ATG9B: variants seen among roughly 807,000 people sequenced by gnomAD.
The protein encoded by ATG9B is autophagy related 9B.
ATG9B carries 92 observed loss-of-function variants against 92.9 expected under a neutral mutation model. The observed-to-expected ratio is 0.99, with a 90% CI of 0.84 to 1.18. ATG9B has a LOEUF of 1.18. Among genes scored for constraint, ATG9B ranks in the 50% most tolerant of loss-of-function variants. The pLI is 0.00. For synonymous variants in ATG9B, 599 were observed against 551.4 expected, an observed-to-expected ratio of 1.09 and a Z score of -1.21; for missense variants, 1,344 against 1,235.0, an observed-to-expected ratio of 1.09 and a Z score of -1.32.
chr7:151,024,132 G>A lies in ATG9B; in HGVS notation c.292C>T (p.Pro98Ser), dbSNP rs755526299. 3 of 1,592,244 alleles carry A rather than the reference G, an allele frequency of 1.9e-6. No homozygotes were observed. Among genetic ancestry groups the A allele is most frequent in the East Asian group, 4.5e-5 (2 of 44,700 alleles). Residue 98 changes from proline to serine, a missense_variant, in exon 1 of 14, where the codon CCA becomes TCA. By Grantham distance (74) the Pro-to-Ser change is moderately conservative. Transcript: ENST00000639579. ...GTCATTGCAGGTTGAGCCTGTGTTG[G>A]GGGGGTGGCTGGGATAGGGAGAGCA... ...HSALPIPATP[P>S]TQAQPAMTPA...
chr7:151,014,471 C>CT (rs1795398856), downstream of ATG9B: 1 of 417,422 alleles, frequency 2.4e-6, no homozygotes, highest in Non-Finnish European at 4.3e-6. Context: ...TCTTGCCTCT[C>CT]TCAGGAGTAT....
At chr7:151,021,657 T>A (rs1472125386) in intron 4 of ATG9B, among the ~76,000 whole-genome samples, 1 of 151,692 alleles carries the variant, frequency 6.6e-6, no homozygotes, top group Non-Finnish European at 1.5e-5. Flanking sequence ...ACACTCTTTT[T>A]TTTTTTTTTT....
Position 151,016,449 on chromosome 7 carries a change from A to G in ATG9B, c.2502T>C (p.His834=). 1 of 1,551,452 alleles carries G rather than the reference A, an allele frequency of 6.4e-7. No individual in the cohort carries two copies. The highest frequency in any genetic ancestry group is 8.7e-7 in the Non-Finnish European group (1 of 1,146,928). ...PELASAEMSL[H]VIYLHQLHQQ... ...TACTCACCTGGTGCAGGTAGATGAC[A>G]TGGAGACTCATCTCGGCAGAAGCAA... Residue 834 remains histidine, a synonymous_variant, in exon 11 of 14, where the codon CAT becomes CAC. Coordinates refer to ENST00000639579, the MANE Select transcript of ATG9B (RefSeq NM_001317056.2).
chr7:151,014,600 G>GT (rs1265349762), downstream of ATG9B: 4,388 of 145,246 alleles, frequency 0.03, 150 homozygotes, highest in African/African-American at 0.083. Context: ...GTGGATTACA[G>GT]TTTTTTTTTT....
In ATG9B at chr7:151,019,049, G is replaced by T. The variant is rs1343403809; in HGVS notation, c.1289C>A (p.Ala430Asp). 2 of 1,538,550 alleles carry T rather than the reference G, an allele frequency of 1.3e-6. No homozygotes were observed. Among genetic ancestry groups the T allele is most frequent in the East Asian group, 4.9e-5 (2 of 41,124 alleles). The change falls in exon 6 of 14, where the codon GCC (alanine) becomes GAC (aspartate). Residue 430 changes from alanine to aspartate, a missense_variant. Physicochemically the swap from Ala to Asp is moderately radical, Grantham distance 126. Coordinates refer to ENST00000639579, the MANE Select transcript of ATG9B (RefSeq NM_001317056.2). ...TGTGCGCCCCCAGCGCGCTGCTAGG[G>T]CGCCCCGCTGGTCGCTGCGCTTGTA... ...HAYKRSDQRG[A>D]LAARWGRTVL...
Position 151,018,677 on chromosome 7 carries a change from G to A in ATG9B, c.1661C>T (p.Ala554Val), listed in dbSNP as rs370556855. 7.9e-5 allele frequency: 127 copies of A among 1,606,024 alleles called. No individual in the cohort carries two copies. The highest frequency in any genetic ancestry group is 3.5e-4 in the Admixed American group (21 of 59,532). Residue 554 changes from alanine (A) to valine (V), a missense_variant, in exon 6 of 14, where the codon GCC becomes GTC. Physicochemically the swap from Ala to Val is moderately conservative, Grantham distance 64. Coordinates refer to ENST00000639579, the MANE Select transcript of ATG9B (RefSeq NM_001317056.2). This position sits in a 1 kb window ranked among gnomAD's most constrained non-coding sequence, Gnocchi z 4.7. ...VLTVYDEDVL[A>V]VEHVLTAMTA... ...CATGGCGGTGAGCACGTGCTCCACG[G>A]CTAGCACGTCCTCGTCGTAGACGGT...
downstream of ATG9B, chr7:151,013,934 C>T (rs761102418): frequency 1.9e-6 from 3 of 1,597,996 alleles, no homozygotes. Context: ...GAGGGGCGGG[C>T]CGGGCCTGAG....
intron 4 of ATG9B, among the ~76,000 whole-genome samples, chr7:151,022,836 T>TAA (rs5888425): frequency 6.7e-6 from 1 of 148,352 alleles, no homozygotes; most frequent in African/African-American, 2.5e-5. Context: ...AACTCTGTCT[T>TAA]AAAAAAAAAA....
downstream of ATG9B, chr7:151,013,245 C>T: frequency 6.2e-7 from 1 of 1,613,548 alleles, no homozygotes; most frequent in Non-Finnish European, 8.5e-7. Flanking sequence ...GCAGCCCACT[C>T]CCATGACTTT....
rs1795509468 is a variant in ATG9B, at chr7:151,016,799, A to G, written c.2312T>C (p.Leu771Pro). 8 of 1,610,376 alleles carry G rather than the reference A, an allele frequency of 5.0e-6. No homozygotes were observed. Among genetic ancestry groups the G allele is most frequent in the Non-Finnish European group, 6.8e-6 (8 of 1,178,576 alleles). The change falls in exon 10 of 14, where the codon CTC becomes CCC. Residue 771 changes from leucine (L) to proline (P), a missense_variant. Coordinates refer to ENST00000639579, the MANE Select transcript of ATG9B (RefSeq NM_001317056.2). ...SPLPEAFLAN[L>P]FVHPLLPPRD... ...CGGAGGCAGGAGAGGGTGCACGAAG[A>G]GGTTGGCCAGGAAGGCCTCAGGCTG...
chr7:151,018,913 C>G lies in ATG9B; in HGVS notation c.1425G>C (p.Ala475=). The G allele has an allele frequency of 6.7e-7, 1 of 1,494,916 alleles. No individual in the cohort carries two copies. 92.6% of individuals were successfully genotyped at this position (1,494,916 alleles called of 1,614,324 possible). The part of the protein sequence containing the change: ...HVELLRREPG[A]LGARGWSRLA... ...GGCGGGACCAGCCGCGCGCCCCCAGCGCGCCAGGCTCGCGCCGCAGCAGCT... is the reference window on the plus strand; with the variant it reads ...GGCGGGACCAGCCGCGCGCCCCCAGGGCGCCAGGCTCGCGCCGCAGCAGCT... The change falls in exon 6 of 14, where the codon GCG becomes GCC. Residue 475 remains alanine (A), a synonymous_variant. Transcript: ENST00000639579. The surrounding 1 kb of genome is among the most constrained non-coding windows in gnomAD (Gnocchi z 4.7).
At chr7:151,014,731 C>A (rs1333553466), downstream of ATG9B, 1 of 151,962 alleles carries the variant, frequency 6.6e-6, no homozygotes. Flanking sequence ...GCCTCAGCCT[C>A]CCAAGTAGTT....
chr7:151,013,700 CG>C, downstream of ATG9B: 1 of 1,554,372 alleles, frequency 6.4e-7, no homozygotes, highest in Non-Finnish European at 8.7e-7. Flanking sequence ...CACCAGGGCC[CG>C]CCCTAACCCC....
At chr7:151,013,005 A>G, downstream of ATG9B, 4 of 555,210 alleles carry the variant, frequency 7.2e-6, no homozygotes, top group South Asian at 7.3e-5. Context: ...GCGCAGCTCC[A>G]CCAGGGGCCA....
chr7:151,018,012 G>A lies in ATG9B; in HGVS notation c.1911C>T (p.Thr637=), dbSNP rs564731056. The change falls in exon 8 of 14, where the codon ACC becomes ACT. Residue 637 remains threonine (T), a synonymous_variant. Coordinates refer to ENST00000639579, the MANE Select transcript of ATG9B (RefSeq NM_001317056.2). This position sits in a 1 kb window ranked among gnomAD's most constrained non-coding sequence, Gnocchi z 4.7. ...LLEELLSPLL[T]PLFLLFWFRP... ...GGAACCAGAAAAGCAGAAACAGCGGGGTGAGGAGCGGGGACAGGAGCTCCT... is the reference window on the plus strand; with the variant it reads ...GGAACCAGAAAAGCAGAAACAGCGGAGTGAGGAGCGGGGACAGGAGCTCCT... 2 of 1,600,744 alleles carry A rather than the reference G, an allele frequency of 1.2e-6. No homozygotes were observed. The highest frequency in any genetic ancestry group is 2.2e-5 in the East Asian group (1 of 44,496).
rs1795635414 is a variant in ATG9B at position 151,018,919 on chromosome 7, A to G, written c.1419T>C (p.Pro473=). The change falls in exon 6 of 14, where the codon CCT becomes CCC. Residue 473 remains proline, a synonymous_variant. Coordinates refer to ENST00000639579, the MANE Select transcript of ATG9B (RefSeq NM_001317056.2). The surrounding 1 kb of genome is among the most constrained non-coding windows in gnomAD (Gnocchi z 4.7). ...YSHVELLRRE[P]GALGARGWSR... The stretch of plus-strand genomic sequence containing the variant: ...ACCAGCCGCGCGCCCCCAGCGCGCC[A>G]GGCTCGCGCCGCAGCAGCTCCACGT... 1.3e-6 allele frequency: 2 copies of G among 1,512,562 alleles called. No homozygotes were observed. Among genetic ancestry groups the G allele is most frequent in the Admixed American group, 2.3e-5 (1 of 44,360 alleles). The allele number at this position is 1,512,562 out of a possible 1,614,324, so 93.7% of individuals were successfully genotyped here. A position where few individuals can be genotyped will look rare whatever the true frequency, so the allele number is the denominator to read the frequency against.
In ATG9B at chr7:151,018,073, G is replaced by A. The variant is rs1584924343; in HGVS notation, c.1873-23C>T. 6.4e-7 allele frequency: 1 copy of A among 1,556,788 alleles called. No individual in the cohort carries two copies. The highest frequency in any genetic ancestry group is 8.7e-7 in the Non-Finnish European group (1 of 1,150,256). ...GACCTGGGGAAGCAGCGGTGAGGCT[G>A]AGCAGGGGTCGCTGAGGGGCCCACG... is the stretch of plus-strand genomic sequence containing the variant. On this transcript the variant is annotated intron_variant, in intron 7 of 13. Transcript: ENST00000639579. This position sits in a 1 kb window ranked among gnomAD's most constrained non-coding sequence, Gnocchi z 4.7.
chr7:151,023,518 G>C lies in ATG9B; in HGVS notation c.595-9C>G. On this transcript the variant is annotated splice_polypyrimidine_tract_variant and intron_variant, in intron 2 of 13. Coordinates refer to ENST00000639579, the MANE Select transcript of ATG9B (RefSeq NM_001317056.2). ...TGGTGGTAGCTGTAGATGTGGCTGC[G>C]TGTCAAGGAACAAGCCTGAGGCACG... 1.9e-6 allele frequency: 3 copies of C among 1,612,592 alleles called. No homozygotes were observed. The highest frequency in any genetic ancestry group is 1.1e-5 in the South Asian group (1 of 90,880).
intron 1 of ATG9B, 49 bp downstream of exon 1, chr7:151,023,825 G>T (rs778035600): frequency 6.2e-7 from 1 of 1,610,248 alleles, no homozygotes; most frequent in African/African-American, 1.3e-5. Flanking sequence ...ATAAGTACTG[G>T]AGCTCCCAGG....
Sources: gnomAD v4.1 joint callset for allele counts (sites outside exome capture counted in the v4.1 genomes callset) on GRCh38, gnomAD v4.1.1 for gene constraint, Gnocchi (gnomAD v3.1) non-coding constraint, MANE v1.5 for transcripts, NCBI Gene and HGNC (gene_info 2026-07-23, HGNC 2026-07-21) for gene names.